Variants in GRIK1 observed in about 807,000 individuals in gnomAD.
GRIK1 encodes glutamate receptor ionotropic, kainate 1.
In GRIK1, 69 loss-of-function variants were observed where a neutral mutation model predicts 105.7. The ratio of observed to expected loss-of-function variants is 0.65; its 90% CI spans 0.54 to 0.80. The LOEUF (loss-of-function observed/expected upper bound fraction) is 0.80, where lower values mean the gene tolerates loss of function less well. GRIK1 is among the 30% of genes least tolerant of loss of function. The pLI, the probability that GRIK1 is intolerant of heterozygous loss-of-function variation, is 0.00. For synonymous variants in GRIK1, 438 were observed against 431.3 expected (o/e 1.02, Z -0.19); for missense variants, 1,109 against 1,167.3 (o/e 0.95, Z 0.73).
chr21:29,732,803 G>T (rs1157457158), intron 1 of GRIK1, among the ~76,000 whole-genome samples: 1 of 152,136 alleles, frequency 6.6e-6, no homozygotes, highest in Non-Finnish European at 1.5e-5. Flanking sequence ...ATTTCCGTGA[G>T]ATTAATATAT....
intron 1 of GRIK1, among the ~76,000 whole-genome samples, chr21:29,721,198 A>G (rs1281734565): frequency 6.6e-6 from 1 of 152,088 alleles, no homozygotes; most frequent in Non-Finnish European, 1.5e-5. Context: ...AAAAATTTGC[A>G]TATCTTTTTT....
In GRIK1 at chr21:29,588,905, A is replaced by G. The variant is rs142806420; in HGVS notation, c.1503T>C (p.Asp501=). The change falls in exon 11 of 18, where the codon GAT becomes GAC. Residue 501 remains aspartate (D), a synonymous_variant. Coordinates refer to ENST00000327783, the MANE Select transcript of GRIK1 (RefSeq NM_001330994.2). ...GFIYDVKLVP[D]GKYGAQNDKG... ...TGTCATTCTGGGCCCCATATTTGCC[A>G]TCGGGAACTAGTTTAACATCATAAA... 2 of 1,610,918 alleles carry G rather than the reference A, an allele frequency of 1.2e-6. No homozygotes were observed. Among genetic ancestry groups the G allele is most frequent in the African/African-American group, 2.7e-5 (2 of 74,840 alleles).
chr21:29,601,112 T>C (rs987577554), intron 7 of GRIK1: 3 of 347,716 alleles, frequency 8.6e-6, no homozygotes, highest in Admixed American at 7.7e-5. Context: ...TTTGAAATGG[T>C]GGACTGAGCA....
At chr21:29,597,857 A>T (rs551076153) in intron 8 of GRIK1, among the ~76,000 whole-genome samples, 5 of 152,190 alleles carry the variant, frequency 3.3e-5, no homozygotes, top group African/African-American at 1.2e-4. Context: ...CCTGCAAAAA[A>T]AATGTGTCCT....
intron 1 of GRIK1, among the ~76,000 whole-genome samples, chr21:29,782,235 C>T (rs1440915140): frequency 6.6e-5 from 10 of 151,630 alleles, no homozygotes; most frequent in East Asian, 5.9e-4. Context: ...TGCAGGCGCC[C>T]GCCACCAAGC....
intron 1 of GRIK1, among the ~76,000 whole-genome samples, chr21:29,912,553 T>G: frequency 6.6e-6 from 1 of 152,120 alleles, no homozygotes; most frequent in East Asian, 1.9e-4. Context: ...ACTTTTTGGG[T>G]TTCTTTCCTC....
At chr21:29,868,920 G>GT (rs1285659428) in intron 1 of GRIK1, among the ~76,000 whole-genome samples, 3 of 152,114 alleles carry the variant, frequency 2.0e-5, no homozygotes, top group African/African-American at 7.2e-5. Context: ...TTTGTTGTTT[G>GT]TTTTTAAATG....
chr21:29,905,659 C>T (rs1021616113), intron 1 of GRIK1, among the ~76,000 whole-genome samples: 2 of 123,466 alleles, frequency 1.6e-5, no homozygotes, highest in East Asian at 2.3e-4. Flanking sequence ...CGGAGTCTCG[C>T]TCTGTCGCCC....
chr21:29,898,605 G>T (rs977699614), intron 1 of GRIK1, among the ~76,000 whole-genome samples: 4 of 152,158 alleles, frequency 2.6e-5, no homozygotes, highest in Non-Finnish European at 4.4e-5. Flanking sequence ...TACCTAAAAA[G>T]ATAGCATACC....
chr21:29,892,790 G>A (rs537998747), intron 1 of GRIK1, among the ~76,000 whole-genome samples: 2 of 152,250 alleles, frequency 1.3e-5, no homozygotes, highest in South Asian at 4.2e-4. Context: ...TCTTTTTTGT[G>A]CTATTTAGTG....
At chr21:29,545,083 C>T (rs908482683) in intron 16 of GRIK1, among the ~76,000 whole-genome samples, 5 of 136,340 alleles carry the variant, frequency 3.7e-5, no homozygotes, top group Admixed American at 7.7e-5. Flanking sequence ...ACTCCCATGG[C>T]CTCCCAAGGG....
intron 1 of GRIK1, among the ~76,000 whole-genome samples, chr21:29,831,681 G>A (rs994474462): frequency 2.0e-5 from 3 of 152,032 alleles, no homozygotes; most frequent in African/African-American, 7.2e-5. Flanking sequence ...CAGCCCCCAT[G>A]ATCAAAACAC....
intron 1 of GRIK1, among the ~76,000 whole-genome samples, chr21:29,903,638 G>T (rs1048717072): frequency 1.3e-5 from 2 of 152,176 alleles, no homozygotes; most frequent in Non-Finnish European, 2.9e-5. Context: ...AACAACAGAT[G>T]CTGGAGAGGT....
At chr21:29,803,797 C>T (rs2066779853) in intron 1 of GRIK1, among the ~76,000 whole-genome samples, 1 of 152,062 alleles carries the variant, frequency 6.6e-6, no homozygotes, top group Non-Finnish European at 1.5e-5. Flanking sequence ...CAGCATCCTT[C>T]CTCCATTGCT....
intron 4 of GRIK1, among the ~76,000 whole-genome samples, chr21:29,668,572 G>A (rs2063103151): frequency 6.6e-6 from 1 of 152,158 alleles, no homozygotes; most frequent in Admixed American, 6.5e-5. Flanking sequence ...CTATTTAAGT[G>A]TATGCTCAGT....
intron 1 of GRIK1, among the ~76,000 whole-genome samples, chr21:29,857,087 C>T (rs1269019339): frequency 6.6e-6 from 1 of 152,028 alleles, no homozygotes; most frequent in Non-Finnish European, 1.5e-5. Flanking sequence ...GGGTTTAATC[C>T]AAGGGGTTAT....
chr21:29,768,637 T>A (rs531041721), intron 1 of GRIK1, among the ~76,000 whole-genome samples: 21 of 152,308 alleles, frequency 1.4e-4, no homozygotes, highest in African/African-American at 4.3e-4. Flanking sequence ...CATGGGCATA[T>A]GTGCAGGGGG....
intron 16 of GRIK1, among the ~76,000 whole-genome samples, chr21:29,554,748 T>G (rs2090205415): frequency 1.3e-5 from 2 of 152,200 alleles, no homozygotes; most frequent in African/African-American, 4.8e-5. Context: ...CCATCTAGGG[T>G]TTCTATCTTA....
intron 4 of GRIK1, among the ~76,000 whole-genome samples, chr21:29,663,730 C>A (rs1388490568): frequency 6.6e-6 from 1 of 152,096 alleles, no homozygotes; most frequent in East Asian, 1.9e-4. Flanking sequence ...GAGAGCTCTG[C>A]ATGGCCTGCT....
Sources: allele counts gnomAD v4.1 joint callset (sites outside exome capture counted in the v4.1 genomes callset), GRCh38; gene constraint gnomAD v4.1.1; transcripts MANE v1.5; gene names NCBI Gene and HGNC (gene_info 2026-07-23, HGNC 2026-07-21).